Variants in KCNK17 observed in about 807,000 individuals in gnomAD.
The protein encoded by KCNK17 is potassium channel subfamily K member 17.
KCNK17 carries 27 observed loss-of-function variants against 24.6 expected under a neutral mutation model. That is an observed-to-expected ratio of 1.10 (90% CI 0.81 to 1.51). The LOEUF is 1.51. Among genes scored for constraint, KCNK17 ranks in the 40% most tolerant of loss-of-function variants. The pLI, the probability that KCNK17 is intolerant of heterozygous loss-of-function variation, is 0.00. For missense variants in KCNK17, 450 were observed against 436.6 expected (o/e 1.03, Z -0.27); for synonymous variants, 181 against 189.8 (o/e 0.95, Z 0.38).
chr6:39,300,301 T>G (rs1761930174), intron 4 of KCNK17: 2 of 639,890 alleles, frequency 3.1e-6, no homozygotes, highest in Non-Finnish European at 5.7e-6. Flanking sequence ...TTTTTGTATT[T>G]TAGTAGAGAC....
intron 4 of KCNK17, chr6:39,300,525 T>C: frequency 6.4e-7 from 1 of 1,551,178 alleles, no homozygotes; most frequent in Non-Finnish European, 8.7e-7. Context: ...GGCAGCTTGC[T>C]GGAGCCAGGG....
chr6:39,310,935 C>G lies in KCNK17; in HGVS notation c.310G>C (p.Val104Leu). Residue 104 changes from valine (V) to leucine (L), a missense_variant, in exon 2 of 5, where the codon GTG (valine) becomes CTG (leucine). Transcript: ENST00000373231. ...NTTSMGRWEL[V>L]GSFFFSVSTI... ...GACACAGAAAAGAAGAAGGAGCCCA[C>G]GAGCTCCCAGCGCCCCATGCTGGTG... The G allele has an allele frequency of 6.2e-7, 1 of 1,608,156 alleles. No homozygotes were observed. The highest frequency in any genetic ancestry group is 8.5e-7 in the Non-Finnish European group (1 of 1,175,674).
intron 2 of KCNK17, among the ~76,000 whole-genome samples, chr6:39,309,352 C>G (rs1255683322): frequency 6.6e-6 from 1 of 152,168 alleles, no homozygotes; most frequent in Non-Finnish European, 1.5e-5. Context: ...ATAATAAGAC[C>G]TATTCTTGGA....
chr6:39,308,656 G>A (rs1465825827), intron 2 of KCNK17, among the ~76,000 whole-genome samples: 1 of 152,250 alleles, frequency 6.6e-6, no homozygotes, highest in Non-Finnish European at 1.5e-5. Context: ...CAGGAATGGA[G>A]TTCATAGATG....
At chr6:39,301,281 C>T (rs189264568) in intron 4 of KCNK17, among the ~76,000 whole-genome samples, 1 of 152,218 alleles carries the variant, frequency 6.6e-6, no homozygotes, top group Admixed American at 6.5e-5. Flanking sequence ...AGAGCTCTCC[C>T]CTCCTATTCC....
chr6:39,304,356 C>G (rs779125994), intron 3 of KCNK17, 139 bp downstream of exon 3: 6 of 858,688 alleles, frequency 7.0e-6, no homozygotes, highest in Non-Finnish European at 9.1e-6. Flanking sequence ...GGACCCTATT[C>G]TGAGCAGTGA....
In KCNK17 at chr6:39,304,476, C is replaced by T. The variant is rs772262032; in HGVS notation, c.513+19G>A. 21 of 1,604,206 alleles carry T rather than the reference C, an allele frequency of 1.3e-5. No individual in the cohort carries two copies. The highest frequency in any genetic ancestry group is 4.5e-5 in the East Asian group (2 of 44,670). On this transcript the variant is annotated intron_variant, in intron 3 of 4. Coordinates refer to ENST00000373231, the MANE Select transcript of KCNK17 (RefSeq NM_031460.4). ...TTCTAGAAGTGACCCATCCCCACCC[C>T]GTCCAGCAGCCCCCTCACCTGCCAG...
rs1762124701 is a variant in KCNK17 at position 39,310,989 on chromosome 6, T to G, written c.256A>C (p.Lys86Gln). Residue 86 changes from lysine (K) to glutamine (Q), a missense_variant, in exon 2 of 5, where the codon AAA (lysine) becomes CAA (glutamine). By Grantham distance (53) the Lys-to-Gln change is moderately conservative (BLOSUM62 1). Transcript: ENST00000373231. ...SLIRDVVQAY[K>Q]NGASLLSNTT... ...TTGCTGAGGAGGCTGGCTCCGTTTT[T>G]GTATGCTTGGACGACATCCTGGGGA... is the stretch of plus-strand genomic sequence containing the variant. The G allele has an allele frequency of 6.2e-7, 1 of 1,605,516 alleles. No homozygotes were observed. The highest frequency in any genetic ancestry group is 8.5e-7 in the Non-Finnish European group (1 of 1,173,474).
At chr6:39,314,061 G>C in intron 1 of KCNK17, 23 bp downstream of exon 1, 1 of 1,537,218 alleles carries the variant, frequency 6.5e-7, no homozygotes, top group Non-Finnish European at 8.8e-7. Flanking sequence ...GCCGCGCCCA[G>C]GCCGACGCCG....
At chr6:39,302,893 A>T (rs548898576) in intron 4 of KCNK17, among the ~76,000 whole-genome samples, 1 of 141,688 alleles carries the variant, frequency 7.1e-6, no homozygotes, top group Admixed American at 6.9e-5. Flanking sequence ...CCTTGCAAAC[A>T]GAGGCTAGAA....
At chr6:39,306,279 G>A (rs1279252495) in intron 2 of KCNK17, among the ~76,000 whole-genome samples, 2 of 152,286 alleles carry the variant, frequency 1.3e-5, no homozygotes, top group East Asian at 3.9e-4. Context: ...CCTGACCTCA[G>A]GCGATCTGCC....
intron 4 of KCNK17, among the ~76,000 whole-genome samples, chr6:39,302,702 A>C (rs2395721): frequency 0.19 from 29,494 of 152,164 alleles, 3,647 homozygotes; most frequent in East Asian, 0.38. Flanking sequence ...TGGCCCTTGG[A>C]GCTACTGGGC....
intron 2 of KCNK17, among the ~76,000 whole-genome samples, chr6:39,310,436 CG>C (rs111739064): frequency 6.6e-6 from 1 of 151,930 alleles, no homozygotes; most frequent in Non-Finnish European, 1.5e-5. Flanking sequence ...GGCTGAGAAA[CG>C]GGGGGTCTAA....
rs1761894261 is a variant in KCNK17, at chr6:39,299,023, ATTT to A, written c.*401_*403del. Reference sequence around the variant, plus strand: ...TAATGGTATTTTACATAAGATGTTTATTTCTCTCTCACATAAAGGAGGTCGGGT... The same window carrying A: ...TAATGGTATTTTACATAAGATGTTTACTCTCTCACATAAAGGAGGTCGGGT... On this transcript the variant is annotated 3_prime_UTR_variant, in exon 5 of 5. Transcript: ENST00000373231. The A allele has an allele frequency of 5.5e-6, 1 of 181,464 alleles. No individual in the cohort carries two copies. Among genetic ancestry groups the A allele is most frequent in the African/African-American group, 2.4e-5 (1 of 42,466 alleles). 11.2% of individuals were successfully genotyped at this position (181,464 alleles called of 1,614,324 possible). A position where few individuals can be genotyped will look rare whatever the true frequency, so the allele number is the denominator to read the frequency against.
rs756042230 is a variant in KCNK17 at position 39,314,270 on chromosome 6, G to C, written c.51C>G (p.Cys17Trp). 3.3e-6 allele frequency: 5 copies of C among 1,523,360 alleles called. No homozygotes were observed. The highest frequency in any genetic ancestry group is 4.4e-6 in the Non-Finnish European group (5 of 1,140,116). 94.4% of individuals were successfully genotyped at this position (1,523,360 alleles called of 1,614,324 possible). A position where few individuals can be genotyped will look rare whatever the true frequency, so the allele number is the denominator to read the frequency against. The part of the protein sequence containing the change: ...RAAPEGRVRG[C>W]AVPSTVLLLL... ...GCAGGAGCACGGTGCTGGGCACCGC[G>C]CAGCCCCGGACCCTGCCCTCGGGAG... The change falls in exon 1 of 5, where the codon TGC becomes TGG. Residue 17 changes from cysteine to tryptophan, a missense_variant. Transcript: ENST00000373231.
At chr6:39,313,294 C>A (rs149578079) in intron 1 of KCNK17, among the ~76,000 whole-genome samples, 16 of 152,360 alleles carry the variant, frequency 1.1e-4, no homozygotes, top group African/African-American at 3.6e-4. Flanking sequence ...TCTGAGTCCT[C>A]CCCTGAACCC....
At chr6:39,300,473 G>A (rs1235137536) in intron 4 of KCNK17, 2 of 1,550,352 alleles carry the variant, frequency 1.3e-6, no homozygotes, top group East Asian at 4.9e-5. Context: ...GTCCGCTCTA[G>A]TGTTTGCCAG....
intron 4 of KCNK17, 64 bp from the exon 5 acceptor site, chr6:39,299,801 G>A: frequency 6.6e-7 from 1 of 1,506,688 alleles, no homozygotes; most frequent in East Asian, 2.3e-5. Context: ...TCCCCAAACA[G>A]AAACAGAGAT....
At chr6:39,309,113 G>A (rs1226081983) in intron 2 of KCNK17, among the ~76,000 whole-genome samples, 1 of 152,220 alleles carries the variant, frequency 6.6e-6, no homozygotes, top group Non-Finnish European at 1.5e-5. Flanking sequence ...ATCACTTGAG[G>A]ACAGGAGTTT....
Sources: gnomAD v4.1 joint callset for allele counts (sites outside exome capture counted in the v4.1 genomes callset) on GRCh38, gnomAD v4.1.1 for gene constraint, MANE v1.5 for transcripts, NCBI Gene and HGNC (gene_info 2026-07-23, HGNC 2026-07-21) for gene names.